HSD3B2: variants seen among roughly 807,000 people sequenced by gnomAD.
The protein encoded by HSD3B2 is 3 beta-hydroxysteroid dehydrogenase/Delta 5-->4-isomerase type 2.
A neutral mutation model predicts 9.9 loss-of-function variants in HSD3B2; 8 were observed. The observed-to-expected ratio is 0.81, with a 90% confidence interval of 0.47 to 1.46. HSD3B2 has a LOEUF of 1.46. Ranked by LOEUF, HSD3B2 falls within the 40% of genes most tolerant of loss-of-function variation. The probability of loss-of-function intolerance (pLI) is 0.00; values close to 1 mark genes in which losing one functional copy is unlikely to be tolerated. For synonymous variants in HSD3B2, 221 were observed against 184.5 expected (o/e 1.20, Z -1.60); for missense variants, 410 against 448.3 (o/e 0.91, Z 0.77).
At chr1:119,417,220 G>C (rs1203599259) in intron 2 of HSD3B2, 1 of 152,204 alleles carries the variant, frequency 6.6e-6, no homozygotes, top group African/African-American at 2.4e-5. Flanking sequence ...AGTTTGTCTA[G>C]CAGCTTCTCT....
At chr1:119,418,463 C>G (rs1198804344) in intron 2 of HSD3B2, among the ~76,000 whole-genome samples, 2 of 151,990 alleles carry the variant, frequency 1.3e-5, no homozygotes, top group Non-Finnish European at 2.9e-5. Flanking sequence ...GCTTCCACTG[C>G]TGGACCCTGG....
In HSD3B2 at chr1:119,422,856, A is replaced by G; in HGVS notation, c.*236A>G. On this transcript the variant is annotated 3_prime_UTR_variant, in exon 4 of 4. Transcript: ENST00000369416. ...AAGACAAACAATATGATTTGCTGTT[A>G]CCAAATCTCAGTGGCTGATTCTGAA... 2 of 592,470 alleles carry G rather than the reference A, an allele frequency of 3.4e-6. No homozygotes were observed. The highest frequency in any genetic ancestry group is 3.0e-6 in the Non-Finnish European group (1 of 333,762). 36.7% of individuals were successfully genotyped at this position (592,470 alleles called of 1,614,324 possible). A position where few individuals can be genotyped will look rare whatever the true frequency, so the allele number is the denominator to read the frequency against.
chr1:119,415,383 C>G lies in HSD3B2; in HGVS notation c.-37C>G, dbSNP rs1651674084. 1.2e-6 allele frequency: 2 copies of G among 1,611,966 alleles called. No homozygotes were observed. Among genetic ancestry groups the G allele is most frequent in the African/African-American group, 1.3e-5 (1 of 74,884 alleles). Reference sequence around the variant, plus strand: ...ATCTGCTCTCCAGCATCTTCTGTTTCCTGGCAAGTGTTTCCTGCTACTTTG... The same window carrying G: ...ATCTGCTCTCCAGCATCTTCTGTTTGCTGGCAAGTGTTTCCTGCTACTTTG... On this transcript the variant is annotated 5_prime_UTR_variant, in exon 2 of 4. Transcript: ENST00000369416.
intron 3 of HSD3B2, 184 bp downstream of exon 3, chr1:119,419,766 G>A (rs1651810845): frequency 4.7e-6 from 3 of 640,622 alleles, no homozygotes; most frequent in Non-Finnish European, 8.4e-6. Flanking sequence ...GAGAAAACTA[G>A]GGCTGAGAGA....
chr1:119,422,059 C>T lies in HSD3B2; in HGVS notation c.558C>T (p.Pro186=). Residue 186 remains proline, a synonymous_variant, in exon 4 of 4, where the codon CCC becomes CCT. Coordinates refer to ENST00000369416, the MANE Select transcript of HSD3B2 (RefSeq NM_000198.4). ...CCTTGTACACTTGTGCGTTAAGACC[C>T]ACATATATCTATGGGGAAGGAGGCC... is the stretch of plus-strand genomic sequence containing the variant. ...GDTLYTCALR[P]TYIYGEGGPF... The T allele has an allele frequency of 6.2e-7, 1 of 1,614,076 alleles. No homozygotes were observed. The highest frequency in any genetic ancestry group is 8.5e-7 in the Non-Finnish European group (1 of 1,179,992).
Position 119,422,051 on chromosome 1 carries a change from T to C in HSD3B2, c.550T>C (p.Leu184=), listed in dbSNP as rs752695754. The change falls in exon 4 of 4, where the codon TTA becomes CTA. Residue 184 remains leucine (L), a synonymous_variant. Transcript: ENST00000369416. ...TGGTGATACCTTGTACACTTGTGCG[T>C]TAAGACCCACATATATCTATGGGGA... The part of the protein sequence containing the change: ...KNGDTLYTCA[L]RPTYIYGEGG... The C allele has an allele frequency of 1.9e-6, 3 of 1,614,096 alleles. No homozygotes were observed. Among genetic ancestry groups the C allele is most frequent in the South Asian group, 2.2e-5 (2 of 91,076 alleles).
In HSD3B2 at chr1:119,422,558, G is replaced by A. The variant is rs143634775; in HGVS notation, c.1057G>A (p.Val353Met). The part of the protein sequence containing the change: ...YSWEEAKQKT[V>M]EWVGSLVDRH... ...CTGGGAGGAAGCCAAGCAGAAAACC[G>A]TGGAGTGGGTTGGTTCCCTTGTGGA... Residue 353 changes from valine (V) to methionine (M), a missense_variant, in exon 4 of 4, where the codon GTG (valine) becomes ATG (methionine). By Grantham distance (21) the Val-to-Met change is conservative. Coordinates refer to ENST00000369416, the MANE Select transcript of HSD3B2 (RefSeq NM_000198.4). 112 of 1,613,912 alleles carry A rather than the reference G, an allele frequency of 6.9e-5. No homozygotes were observed. In the Middle Eastern group the frequency reaches 8.2e-4, roughly 12 times the overall value.
At chr1:119,421,724 G>A in intron 3 of HSD3B2, 85 bp from the exon 4 acceptor site, 3 of 1,443,284 alleles carry the variant, frequency 2.1e-6, no homozygotes, top group South Asian at 2.3e-5. Flanking sequence ...CTTGGGAGTG[G>A]GGAGTGGGGC....
intron 3 of HSD3B2, among the ~76,000 whole-genome samples, chr1:119,421,519 G>A (rs985044227): frequency 1.1e-4 from 14 of 132,384 alleles, no homozygotes; most frequent in Middle Eastern, 4.1e-3. Context: ...ATACACACAC[G>A]TATACATACA....
chr1:119,415,186 T>G lies in HSD3B2; in HGVS notation c.-106T>G. ...GACTTGGACTCCTCTGTCCAGCTTT[T>G]AACAATCTAAGTTACGGTTAGAGCT... On this transcript the variant is annotated 5_prime_UTR_variant, in exon 1 of 4. Transcript: ENST00000369416. The G allele has an allele frequency of 2.0e-6, 1 of 502,210 alleles. No individual in the cohort carries two copies. The highest frequency in any genetic ancestry group is 3.6e-6 in the Non-Finnish European group (1 of 275,636). The allele number at this position is 502,210 out of a possible 1,614,324, so 31.1% of individuals were successfully genotyped here.
intron 3 of HSD3B2, among the ~76,000 whole-genome samples, chr1:119,421,401 A>ATGTATATATATATATGTATATATATG (rs1651853876): frequency 3.1e-5 from 3 of 96,928 alleles, no homozygotes; most frequent in Non-Finnish European, 5.4e-5. Context: ...GTATATATAT[A>ATGTATATATATATATGTATATATATG]TGTATATATA....
Position 119,422,104 on chromosome 1 carries a change from A to T in HSD3B2, c.603A>T (p.Ile201=). The change falls in exon 4 of 4, where the codon ATA becomes ATT. Residue 201 remains isoleucine, a synonymous_variant. Coordinates refer to ENST00000369416, the MANE Select transcript of HSD3B2 (RefSeq NM_000198.4). ...GEGGPFLSAS[I]NEALNNNGIL... ...GAGGCCCATTCCTTTCTGCCAGTATAAATGAGGCCCTGAACAACAATGGGA... is the reference window on the plus strand; with the variant it reads ...GAGGCCCATTCCTTTCTGCCAGTATTAATGAGGCCCTGAACAACAATGGGA... The T allele has an allele frequency of 6.2e-7, 1 of 1,614,114 alleles. No homozygotes were observed. The highest frequency in any genetic ancestry group is 8.5e-7 in the Non-Finnish European group (1 of 1,180,004).
chr1:119,419,600 G>T lies in HSD3B2; in HGVS notation c.307+18G>T, dbSNP rs1311549482. On this transcript the variant is annotated intron_variant, in intron 3 of 3. Coordinates refer to ENST00000369416, the MANE Select transcript of HSD3B2 (RefSeq NM_000198.4). ...TGTGAAAGGTACAGTAGCCTGGGGA[G>T]GAGATAAAACAAGTTGGTTAAATGA... is the stretch of plus-strand genomic sequence containing the variant. 1 of 1,612,556 alleles carries T rather than the reference G, an allele frequency of 6.2e-7. No homozygotes were observed. The highest frequency in any genetic ancestry group is 1.7e-5 in the Admixed American group (1 of 59,988).
intron 2 of HSD3B2, among the ~76,000 whole-genome samples, chr1:119,416,885 C>A (rs746263635): frequency 6.6e-6 from 1 of 152,192 alleles, no homozygotes; most frequent in Non-Finnish European, 1.5e-5. Flanking sequence ...CAGGAAAAAG[C>A]AATGCTCAGT....
Position 119,422,670 on chromosome 1 carries a change from A to C in HSD3B2, c.*50A>C. 1.2e-6 allele frequency: 2 copies of C among 1,604,358 alleles called. No individual in the cohort carries two copies. Among genetic ancestry groups the C allele is most frequent in the Non-Finnish European group, 1.7e-6 (2 of 1,175,386 alleles). ...GTGGGTATTGTTAGGAAATGTCATCAAACTCCACCCACCTGGCTTCATACA... is the reference window on the plus strand; with the variant it reads ...GTGGGTATTGTTAGGAAATGTCATCCAACTCCACCCACCTGGCTTCATACA... On this transcript the variant is annotated 3_prime_UTR_variant, in exon 4 of 4. Coordinates refer to ENST00000369416, the MANE Select transcript of HSD3B2 (RefSeq NM_000198.4).
In HSD3B2 at chr1:119,419,440, G is replaced by A. The variant is rs749102084; in HGVS notation, c.165G>A (p.Leu55=). ...CAGAGCTCCAGAACAGGACCAAGCT[G>A]ACTGTACTTGAAGGAGACATTCTGG... ...EFSKLQNRTK[L]TVLEGDILDE... is the part of the protein sequence containing the mutation. Residue 55 remains leucine (L), a synonymous_variant, in exon 3 of 4, where the codon CTG becomes CTA. Transcript: ENST00000369416. 7 of 1,613,722 alleles carry A rather than the reference G, an allele frequency of 4.3e-6. No homozygotes were observed. Among genetic ancestry groups the A allele is most frequent in the Non-Finnish European group, 5.9e-6 (7 of 1,179,802 alleles).
intron 3 of HSD3B2, among the ~76,000 whole-genome samples, chr1:119,420,702 A>G (rs1462734698): frequency 1.3e-5 from 2 of 152,228 alleles, no homozygotes; most frequent in Non-Finnish European, 2.9e-5. Context: ...GTGGCTAAGA[A>G]TACAAAATAA....
Position 119,419,508 on chromosome 1 carries a change from TCA to T in HSD3B2, c.234_235del (p.Ile79ProfsTer7). ...AGAGCCTGCCAGGACGTCTCGGTCG[TCA>T]TCCACACCGCCTGTATCATTGATGT... On this transcript the variant is annotated frameshift_variant, in exon 3 of 4. Coordinates refer to ENST00000369416, the MANE Select transcript of HSD3B2 (RefSeq NM_000198.4). LOFTEE classifies it high-confidence loss of function. The T allele has an allele frequency of 6.2e-7, 1 of 1,613,786 alleles. No individual in the cohort carries two copies. Among genetic ancestry groups the T allele is most frequent in the Admixed American group, 1.7e-5 (1 of 60,000 alleles).
intron 3 of HSD3B2, among the ~76,000 whole-genome samples, chr1:119,421,477 G>GTATA (rs372247413): frequency 5.4e-4 from 27 of 49,854 alleles, no homozygotes; most frequent in East Asian, 2.5e-3. Flanking sequence ...ATATATATAT[G>GTATA]TATATATATA....
Sources: gnomAD v4.1 joint callset for allele counts (sites outside exome capture counted in the v4.1 genomes callset) on GRCh38, gnomAD v4.1.1 for gene constraint, MANE v1.5 for transcripts, NCBI Gene and HGNC (gene_info 2026-07-23, HGNC 2026-07-21) for gene names.